Variants in DHRSX observed in about 807,000 individuals in gnomAD.
DHRSX encodes polyprenol dehydrogenase.
DHRSX carries 31 observed loss-of-function variants against 34.0 expected under a neutral mutation model. The observed-to-expected ratio is 0.91, with a 90% CI of 0.69 to 1.23. The LOEUF is 1.23. DHRSX is among the 50% of genes most tolerant of loss of function. The probability of loss-of-function intolerance (pLI) is 0.00; values close to 1 mark genes in which losing one functional copy is unlikely to be tolerated. For synonymous variants in DHRSX, 201 were observed against 183.8 expected (o/e 1.09, Z -0.76); for missense variants, 414 against 428.1 (o/e 0.97, Z 0.29).
chrX:2,369,690 G>C (rs1401978082), intron 3 of DHRSX, among the ~76,000 whole-genome samples: 2 of 152,082 alleles, frequency 1.3e-5, no homozygotes, highest in Non-Finnish European at 2.9e-5. Flanking sequence ...TTTTAGTAGA[G>C]ACGGGGTTTC....
chrX:2,315,399 A>G (rs903854011), intron 3 of DHRSX, among the ~76,000 whole-genome samples: 3 of 152,170 alleles, frequency 2.0e-5, no homozygotes, highest in African/African-American at 7.2e-5. Flanking sequence ...AAGATTTCCT[A>G]TCAGGAGAAC....
Position 2,220,936 on chromosome X carries a change from G to A in DHRSX, c.*105C>T. ...CAAAACTAGAGGACAGAGCCCTGTG[G>A]GCAGGTGGGTGTGAGAAACTCAAAC... On this transcript the variant is annotated 3_prime_UTR_variant, in exon 7 of 7. Transcript: ENST00000334651. The A allele has an allele frequency of 9.2e-7, 1 of 1,092,726 alleles. No homozygotes were observed. Among genetic ancestry groups the A allele is most frequent in the Non-Finnish European group, 1.3e-6 (1 of 749,774 alleles). The allele number at this position is 1,092,726 out of a possible 1,614,324, so 67.7% of individuals were successfully genotyped here. A position where few individuals can be genotyped will look rare whatever the true frequency, so the allele number is the denominator to read the frequency against.
rs73622909 is a variant in DHRSX, at chrX:2,470,303, T to G, written c.109+30514A>C. On this transcript the variant is annotated intron_variant, in intron 1 of 6. Coordinates refer to ENST00000334651, the MANE Select transcript of DHRSX (RefSeq NM_145177.3). ...GGCCAGGAGCGCTGTGGCTCATGTC[T>G]GGAATCACTGTGCTATGGAAGGCTG... 3.7e-4 allele frequency among the ~76,000 whole-genome samples: 52 copies of G among 139,722 alleles called. 1 individual carries two copies. Among genetic ancestry groups the G allele is most frequent in the Admixed American group, 2.7e-3 (37 of 13,756 alleles). 91.7% of individuals were successfully genotyped at this position (139,722 alleles called of 152,430 possible).
At chrX:2,239,619 A>G (rs1195576833) in intron 6 of DHRSX, among the ~76,000 whole-genome samples, 4 of 151,626 alleles carry the variant, frequency 2.6e-5, no homozygotes, top group African/African-American at 9.7e-5. Flanking sequence ...TAAAAAAAAA[A>G]TTAGCCAGAC....
At chrX:2,239,718 G>A (rs112527251) in intron 6 of DHRSX, among the ~76,000 whole-genome samples, 20,125 of 152,068 alleles carry the variant, frequency 0.13, 1,867 homozygotes, top group Non-Finnish European at 0.19. Context: ...GCAGTGAGCT[G>A]AGATCGCGCC....
At chrX:2,497,203 T>A (rs2045307156) in intron 1 of DHRSX, among the ~76,000 whole-genome samples, 1 of 152,162 alleles carries the variant, frequency 6.6e-6, no homozygotes. Flanking sequence ...GAGACCAGCC[T>A]GACCAACATG....
At chrX:2,496,879 AATAT>A (rs1419647055) in intron 1 of DHRSX, among the ~76,000 whole-genome samples, 1 of 148,840 alleles carries the variant, frequency 6.7e-6, no homozygotes, top group South Asian at 2.1e-4. Context: ...TTATTCTAAA[AATAT>A]ATATATTTAA....
At position 2,473,026 on chromosome X, in the gene DHRSX, A is replaced by G. The variant is rs73179245; in HGVS notation, c.109+27791T>C. Among the ~76,000 whole-genome samples, 125 of 151,692 alleles carry G rather than the reference A, an allele frequency of 8.2e-4. 1 individual carries two copies. Among genetic ancestry groups the G allele is most frequent in the African/African-American group, 2.6e-3 (109 of 41,184 alleles). ...TCACTGATCAAAGAATGGGTACCACAACTTACTGTCCACTGCAAAGCTCCA... is the reference window on the plus strand; with the variant it reads ...TCACTGATCAAAGAATGGGTACCACGACTTACTGTCCACTGCAAAGCTCCA... On this transcript the variant is annotated intron_variant, in intron 1 of 6. Transcript: ENST00000334651.
intron 6 of DHRSX, among the ~76,000 whole-genome samples, chrX:2,231,596 T>C (rs1384246371): frequency 1.8e-5 from 1 of 56,382 alleles, no homozygotes; most frequent in Non-Finnish European, 3.1e-5. Context: ...TCCTCCTTTT[T>C]CTTTTTTCCC....
intron 6 of DHRSX, among the ~76,000 whole-genome samples, chrX:2,222,420 A>T (rs1357263225): frequency 6.6e-6 from 1 of 152,130 alleles, no homozygotes; most frequent in Non-Finnish European, 1.5e-5. Context: ...AGCAAATATC[A>T]CCTCATTATA....
intron 3 of DHRSX, among the ~76,000 whole-genome samples, chrX:2,407,443 C>G (rs2043570737): frequency 6.6e-6 from 1 of 152,144 alleles, no homozygotes; most frequent in African/African-American, 2.4e-5. Context: ...TGGTCGTCCC[C>G]CGCAACCCGG....
chrX:2,316,097 G>C (rs2042238638), intron 3 of DHRSX, among the ~76,000 whole-genome samples: 1 of 152,068 alleles, frequency 6.6e-6, no homozygotes, highest in African/African-American at 2.4e-5. Context: ...CCTGATCTCA[G>C]GTGATCCACC....
intron 3 of DHRSX, among the ~76,000 whole-genome samples, chrX:2,328,685 G>A (rs1394265246): frequency 6.6e-6 from 1 of 152,232 alleles, no homozygotes; most frequent in Non-Finnish European, 1.5e-5. Context: ...TGATCTCACA[G>A]ACTTCCAGCC....
At chrX:2,346,413 G>A (rs2042712630) in intron 3 of DHRSX, among the ~76,000 whole-genome samples, 2 of 152,040 alleles carry the variant, frequency 1.3e-5, no homozygotes, top group Admixed American at 1.3e-4. Context: ...CCATTTCTCT[G>A]CAAATCAGTG....
At position 2,342,316 on chromosome X, in the gene DHRSX, C is replaced by T. The variant is rs191824170; in HGVS notation, c.287-50713G>A. On this transcript the variant is annotated intron_variant, in intron 3 of 6. Transcript: ENST00000334651. ...CAAAGCAAGCCCTGACTTCTCTCTT[C>T]TCTCATTGAGACAGAGCACACACCC... Among the ~76,000 whole-genome samples, 7 of 152,206 alleles carry T rather than the reference C, an allele frequency of 4.6e-5. No individual in the cohort carries two copies. The East Asian group carries it at 1.3e-3, about 29-fold the overall frequency.
intron 4 of DHRSX, among the ~76,000 whole-genome samples, chrX:2,285,923 G>A (rs921710582): frequency 1.3e-5 from 2 of 152,062 alleles, no homozygotes; most frequent in Non-Finnish European, 2.9e-5. Flanking sequence ...TCTCAGCGTT[G>A]ACTGTATAGA....
chrX:2,415,514 G>A (rs1018036657), intron 2 of DHRSX, among the ~76,000 whole-genome samples: 12 of 147,614 alleles, frequency 8.1e-5, no homozygotes, highest in African/African-American at 1.5e-4. Flanking sequence ...AGATATCATC[G>A]TAATATAATT....
chrX:2,237,544 C>T (rs1324349669), intron 6 of DHRSX, among the ~76,000 whole-genome samples: 11 of 149,556 alleles, frequency 7.4e-5, no homozygotes, highest in South Asian at 2.1e-4. Context: ...TCGCTCTTGT[C>T]GTCCAGGCTG....
intron 3 of DHRSX, among the ~76,000 whole-genome samples, chrX:2,304,951 A>C (rs747919840): frequency 6.6e-6 from 1 of 152,252 alleles, no homozygotes; most frequent in African/African-American, 2.4e-5. Context: ...ATGTGGAATC[A>C]ACTCAAATGC....
Sources: gnomAD v4.1 joint callset for allele counts (sites outside exome capture counted in the v4.1 genomes callset) on GRCh38, gnomAD v4.1.1 for gene constraint, MANE v1.5 for transcripts, NCBI Gene and HGNC (gene_info 2026-07-23, HGNC 2026-07-21) for gene names.